Variants in RNF213 observed in about 807,000 individuals in gnomAD.
RNF213 encodes the protein ring finger protein 213.
Under a neutral mutation model 514.4 loss-of-function variants are expected in RNF213, and 341 were observed. The ratio of observed to expected loss-of-function variants is 0.66; its 90% CI spans 0.61 to 0.73. The LOEUF (loss-of-function observed/expected upper bound fraction) is 0.73, where lower values mean the gene tolerates loss of function less well. Ranked by LOEUF, RNF213 falls within the 30% of genes least tolerant of loss-of-function variation. The pLI is 0.00. For synonymous variants in RNF213, 2,655 were observed against 2,658.2 expected (o/e 1.00, Z 0.04); for missense variants, 5,767 against 6,615.6 (o/e 0.87, Z 4.45).
intron 42 of RNF213, 28 bp downstream of exon 42, chr17:80,364,581 T>C (rs774515312): frequency 6.2e-7 from 1 of 1,613,984 alleles, no homozygotes. Context: ...CCTCAGCACA[T>C]GCACGGATCC....
chr17:80,273,435 C>G lies in RNF213; in HGVS notation c.261+31C>G, dbSNP rs371107957. The G allele has an allele frequency of 3.4e-4, 548 of 1,609,570 alleles. 3 individuals carry two copies. The African/African-American group carries it at 6.4e-3, about 19-fold the overall frequency. On this transcript the variant is annotated intron_variant, in intron 3 of 67. Coordinates refer to ENST00000582970, the MANE Select transcript of RNF213 (RefSeq NM_001256071.3). ...TGCACTGCCTCGGCTCCCCTCCGCC[C>G]CCGCTCACTCTGCCCAGGAAAATCT... is the stretch of plus-strand genomic sequence containing the variant.
chr17:80,374,435 C>T (rs2079658123), intron 49 of RNF213, 23 bp from the exon 50 acceptor site: 3 of 1,614,006 alleles, frequency 1.9e-6, no homozygotes, highest in Non-Finnish European at 2.5e-6. Context: ...ATTGTTCACC[C>T]CCAACTAACC....
intron 3 of RNF213, among the ~76,000 whole-genome samples, chr17:80,280,579 G>A (rs539894412): frequency 1.3e-5 from 2 of 151,870 alleles, no homozygotes; most frequent in East Asian, 1.9e-4. Flanking sequence ...TCAGCCTCCC[G>A]AGTAGCTGGG....
chr17:80,333,803 A>T, intron 21 of RNF213: 1 of 353,418 alleles, frequency 2.8e-6, no homozygotes, highest in South Asian at 3.5e-5. Flanking sequence ...CAAAGCAGAA[A>T]AAGCAACAGT....
At chr17:80,332,752 C>T in intron 21 of RNF213, 121 bp downstream of exon 21, 2 of 1,178,178 alleles carry the variant, frequency 1.7e-6, no homozygotes, top group Non-Finnish European at 2.3e-6. Context: ...CCGTCAGGGG[C>T]TCCTGTGTGT....
intron 11 of RNF213, among the ~76,000 whole-genome samples, chr17:80,302,006 T>C (rs1424487092): frequency 6.6e-6 from 1 of 152,220 alleles, no homozygotes; most frequent in African/African-American, 2.4e-5. Context: ...TGGAGGAGAT[T>C]ACGTTAAGTG....
At chr17:80,302,467 CTG>C (rs1192691522) in intron 11 of RNF213, among the ~76,000 whole-genome samples, 1 of 152,104 alleles carries the variant, frequency 6.6e-6, no homozygotes, top group Non-Finnish European at 1.5e-5. Flanking sequence ...AATGTATTCT[CTG>C]TATGCATTTG....
chr17:80,326,851 G>A (rs2046294575), intron 18 of RNF213, among the ~76,000 whole-genome samples: 1 of 152,174 alleles, frequency 6.6e-6, no homozygotes, highest in Non-Finnish European at 1.5e-5. Context: ...GATTAGTAAA[G>A]CTACTATGTT....
chr17:80,381,280 T>C (rs1168940448), intron 56 of RNF213: 12 of 594,310 alleles, frequency 2.0e-5, no homozygotes, highest in Non-Finnish European at 3.0e-5. Context: ...TGTGTCTTCA[T>C]TGTAGCTAGG....
In RNF213 at chr17:80,363,586, C is replaced by T. The variant is rs374242029; in HGVS notation, c.11569-23C>T. ...CGGTGGGAGGGGCACCGCTCAGCCACGCCCTGCTGTCCGTCTCCCCAGACC... is the reference window on the plus strand; with the variant it reads ...CGGTGGGAGGGGCACCGCTCAGCCATGCCCTGCTGTCCGTCTCCCCAGACC... On this transcript the variant is annotated intron_variant, in intron 40 of 67. Coordinates refer to ENST00000582970, the MANE Select transcript of RNF213 (RefSeq NM_001256071.3). The T allele has an allele frequency of 9.6e-5, 155 of 1,612,134 alleles. No individual in the cohort carries two copies. In the African/African-American group the frequency reaches 1.5e-3, roughly 15 times the overall value.
chr17:80,388,854 T>C, intron 64 of RNF213, 165 bp downstream of exon 64: 2 of 690,336 alleles, frequency 2.9e-6, no homozygotes, highest in Non-Finnish European at 5.2e-6. Context: ...CAGCAAGTTT[T>C]CTTGTAGAGT....
rs988454073 is a variant in RNF213, at chr17:80,396,369, A to G, written c.*2871A>G. 6.6e-6 allele frequency: 1 copy of G among 152,220 alleles called. No homozygotes were observed. Among genetic ancestry groups the G allele is most frequent in the African/African-American group, 2.4e-5 (1 of 41,442 alleles). 9.4% of individuals were successfully genotyped at this position (152,220 alleles called of 1,614,324 possible). A position where few individuals can be genotyped will look rare whatever the true frequency, so the allele number is the denominator to read the frequency against. On this transcript the variant is annotated 3_prime_UTR_variant, in exon 68 of 68. Coordinates refer to ENST00000582970, the MANE Select transcript of RNF213 (RefSeq NM_001256071.3). ...AACCGAGACGGCCCTGAGCTATTTC[A>G]GTTACTCCTGTATGTTCAGGCAATT...
intron 2 of RNF213, among the ~76,000 whole-genome samples, chr17:80,270,874 T>C (rs1303776863): frequency 2.0e-5 from 3 of 152,150 alleles, no homozygotes; most frequent in African/African-American, 7.2e-5. Flanking sequence ...AGCTCTGCCC[T>C]TCTCCACTGC....
Position 80,339,495 on chromosome 17 carries a change from G to T in RNF213, c.5128G>T (p.Val1710Phe). The change falls in exon 26 of 68, where the codon GTT (valine) becomes TTT (phenylalanine). Residue 1710 changes from valine (V) to phenylalanine (F), a missense_variant. This residue lies in a region of RNF213 where 1,377 missense variants were observed against 1,635.2 expected (regional missense o/e 0.84). Coordinates refer to ENST00000582970, the MANE Select transcript of RNF213 (RefSeq NM_001256071.3). ...GAACTTCTACACGGCAGAGCAGCTG[G>T]TTTACCTGAGCACTGAGCTCAGGAA... ...YLNFYTAEQL[V>F]YLSTELRKQP... 6.5e-7 allele frequency: 1 copy of T among 1,537,222 alleles called. No homozygotes were observed. Among genetic ancestry groups the T allele is most frequent in the South Asian group, 1.2e-5 (1 of 84,062 alleles).
At position 80,263,080 on chromosome 17, in the gene RNF213, G is replaced by C. The variant is rs1401891658; in HGVS notation, c.-108-494G>C. On this transcript the variant is annotated intron_variant, in intron 1 of 67. Transcript: ENST00000582970. This position sits in a 1 kb window ranked among gnomAD's most constrained non-coding sequence, Gnocchi z 4.9. ...AGTGACCCCGGAGGCCTGAGTCCTG[G>C]CCTTGGTCTGGTTTGATGCCATCCA... Among the ~76,000 whole-genome samples the C allele has an allele frequency of 6.6e-6, 1 of 152,208 alleles. No homozygotes were observed. The highest frequency in any genetic ancestry group is 1.5e-5 in the Non-Finnish European group (1 of 68,032).
intron 52 of RNF213, 74 bp downstream of exon 52, chr17:80,376,617 G>A: frequency 1.9e-6 from 3 of 1,598,522 alleles, no homozygotes; most frequent in South Asian, 2.2e-5. Flanking sequence ...AGACCGAGCT[G>A]CAGCTGTGGG....
Position 80,313,075 on chromosome 17 carries a change from C to G in RNF213, c.2719C>G (p.Leu907Val), listed in dbSNP as rs200247672. 2.7e-4 allele frequency: 436 copies of G among 1,614,086 alleles called. 2 individuals carry two copies. Among genetic ancestry groups the G allele is most frequent in the South Asian group, 2.1e-4 (19 of 91,088 alleles). The part of the protein sequence containing the change: ...NSVQTVFQGT[L>V]AATKRWLREV... ...AGTCCAAACAGTCTTCCAAGGGACC[C>G]TTGCTGCTACGAAAAGGTGGCTCCG... Residue 907 changes from leucine (L) to valine (V), a missense_variant, in exon 15 of 68, where the codon CTT (leucine) becomes GTT (valine). Leu to Val is a conservative substitution (Grantham distance 32, BLOSUM62 1). Around this residue, in one of 13 missense-constraint regions of RNF213, gnomAD observed 592 missense variants for 673.9 expected, o/e 0.88. Transcript: ENST00000582970.
intron 20 of RNF213, among the ~76,000 whole-genome samples, chr17:80,329,830 CA>C (rs2046367374): frequency 6.6e-6 from 1 of 152,040 alleles, no homozygotes; most frequent in Non-Finnish European, 1.5e-5. Flanking sequence ...GACCCTGTCT[CA>C]AAAAATAAAA....
chr17:80,324,038 A>G (rs1043704822), intron 17 of RNF213, among the ~76,000 whole-genome samples: 4 of 152,158 alleles, frequency 2.6e-5, no homozygotes, highest in Admixed American at 6.6e-5. Context: ...AGATCATATC[A>G]TCTGTGAATA....
Sources: allele counts gnomAD v4.1 joint callset (sites outside exome capture counted in the v4.1 genomes callset), GRCh38; gene constraint gnomAD v4.1.1; regional missense constraint gnomAD v4.1.1; non-coding constraint Gnocchi (gnomAD v3.1); transcripts MANE v1.5; gene names NCBI Gene and HGNC (gene_info 2026-07-23, HGNC 2026-07-21).